EPHX2: variants seen among roughly 807,000 people sequenced by gnomAD.
EPHX2 encodes epoxide hydrolase 2.
Under a neutral mutation model 78.7 loss-of-function variants are expected in EPHX2, and 74 were observed. That is an observed-to-expected ratio of 0.94 (90% confidence interval 0.78 to 1.14). EPHX2 has a LOEUF of 1.14. EPHX2 is among the 50% of genes most tolerant of loss of function. The pLI is 0.00. For missense variants in EPHX2, 715 were observed against 702.5 expected (o/e 1.02, Z -0.20); for synonymous variants, 251 against 255.2 (o/e 0.98, Z 0.16).
At chr8:27,544,100 G>A in intron 17 of EPHX2, 86 bp from the exon 18 acceptor site, 2 of 1,493,282 alleles carry the variant, frequency 1.3e-6, no homozygotes, top group South Asian at 2.3e-5. Context: ...GGAGCAGAGA[G>A]AAGGCGTCCA....
At chr8:27,503,313 C>T (rs1249144416) in intron 2 of EPHX2, among the ~76,000 whole-genome samples, 1 of 152,176 alleles carries the variant, frequency 6.6e-6, no homozygotes, top group African/African-American at 2.4e-5. Flanking sequence ...TGGGCTAAGA[C>T]AGGGCTCTTA....
chr8:27,536,921 T>C, intron 13 of EPHX2, 66 bp downstream of exon 13: 1 of 1,558,812 alleles, frequency 6.4e-7, no homozygotes, highest in Non-Finnish European at 8.8e-7. Context: ...GGGTACCTAG[T>C]GTGTGGCAGG....
At chr8:27,494,246 G>T (rs1190789232) in intron 1 of EPHX2, among the ~76,000 whole-genome samples, 1 of 152,128 alleles carries the variant, frequency 6.6e-6, no homozygotes, top group Non-Finnish European at 1.5e-5. Flanking sequence ...AGGTTGTGTT[G>T]GATGCATAAA....
At chr8:27,519,314 C>T (rs1814565523) in intron 9 of EPHX2, among the ~76,000 whole-genome samples, 1 of 152,226 alleles carries the variant, frequency 6.6e-6, no homozygotes, top group Non-Finnish European at 1.5e-5. Context: ...GTGCAAGCTT[C>T]AGTGGGAATG....
In EPHX2 at chr8:27,541,538, G is replaced by C; in HGVS notation, c.1445G>C (p.Arg482Pro). 1 of 1,614,056 alleles carries C rather than the reference G, an allele frequency of 6.2e-7. No individual in the cohort carries two copies. The highest frequency in any genetic ancestry group is 1.6e-4 in the Middle Eastern group (1 of 6,062). ...NWKWACKSLG[R>P]KILIPALMVT... ...AAGTGGGCTTGCAAAAGCTTGGGAC[G>C]GAAGGTGAGTGCCAGGTTCAGTGTA... Residue 482 changes from arginine (R) to proline (P), a missense_variant, in exon 16 of 19, where the codon CGG (arginine) becomes CCG (proline). By Grantham distance (103) the Arg-to-Pro change is moderately radical (BLOSUM62 -2). Coordinates refer to ENST00000521400, the MANE Select transcript of EPHX2 (RefSeq NM_001979.6).
At chr8:27,541,416 T>C in intron 15 of EPHX2, 57 bp from the exon 16 acceptor site, 1 of 1,567,614 alleles carries the variant, frequency 6.4e-7, no homozygotes, top group Non-Finnish European at 8.8e-7. Flanking sequence ...TGCTGGTGTC[T>C]GTAGCAGAGC....
At chr8:27,522,338 C>A in intron 10 of EPHX2, 85 bp from the exon 11 acceptor site, 3 of 1,347,102 alleles carry the variant, frequency 2.2e-6, no homozygotes, top group South Asian at 1.2e-5. Context: ...ACCCTGGTGT[C>A]GAGGGGCTGG....
At chr8:27,537,832 AT>A in intron 13 of EPHX2, among the ~76,000 whole-genome samples, 1 of 151,912 alleles carries the variant, frequency 6.6e-6, no homozygotes, top group Middle Eastern at 3.4e-3. Flanking sequence ...TGTTTGCTAC[AT>A]TTTTTGCCTC....
At chr8:27,503,236 T>C (rs1200000892) in intron 2 of EPHX2, among the ~76,000 whole-genome samples, 1 of 152,214 alleles carries the variant, frequency 6.6e-6, no homozygotes, top group Non-Finnish European at 1.5e-5. Flanking sequence ...CCTTCAGCAC[T>C]GTAAGAAATA....
chr8:27,527,147 CG>C (rs1814875351), intron 12 of EPHX2, among the ~76,000 whole-genome samples: 1 of 151,994 alleles, frequency 6.6e-6, no homozygotes, highest in South Asian at 2.1e-4. Flanking sequence ...TTAGTAGAGA[CG>C]GGGTTTCACC....
intron 1 of EPHX2, among the ~76,000 whole-genome samples, chr8:27,496,674 T>G (rs1813585317): frequency 6.6e-6 from 1 of 152,228 alleles, no homozygotes; most frequent in African/African-American, 2.4e-5. Context: ...ATTTTCTTAC[T>G]AAGCCTTGAA....
At chr8:27,530,510 A>G (rs529498401) in intron 12 of EPHX2, among the ~76,000 whole-genome samples, 1 of 152,330 alleles carries the variant, frequency 6.6e-6, no homozygotes, top group East Asian at 1.9e-4. Context: ...AATTTTTCAT[A>G]TAAATGGAAT....
At chr8:27,505,731 T>A (rs1813980800) in intron 4 of EPHX2, among the ~76,000 whole-genome samples, 2 of 152,194 alleles carry the variant, frequency 1.3e-5, no homozygotes. Flanking sequence ...GTCCTCACCA[T>A]GCTGCATCCT....
At chr8:27,495,564 T>C (rs1813542004) in intron 1 of EPHX2, among the ~76,000 whole-genome samples, 1 of 152,198 alleles carries the variant, frequency 6.6e-6, no homozygotes, top group South Asian at 2.1e-4. Context: ...GCGCCTGGTA[T>C]CTAAGCAGGC....
intron 12 of EPHX2, among the ~76,000 whole-genome samples, 191 bp downstream of exon 12, chr8:27,525,664 C>T (rs1473668987): frequency 2.0e-5 from 3 of 152,058 alleles, no homozygotes; most frequent in Admixed American, 6.6e-5. Context: ...GGCACATTTC[C>T]GTGTGTGTTC....
intron 11 of EPHX2, 97 bp from the exon 12 acceptor site, chr8:27,525,265 C>A: frequency 9.8e-7 from 1 of 1,023,952 alleles, no homozygotes; most frequent in Non-Finnish European, 1.5e-6. Context: ...AGAATGTTCC[C>A]ACTCTGAGCT....
At chr8:27,499,841 T>TTC (rs74392679) in intron 1 of EPHX2, among the ~76,000 whole-genome samples, 1 of 115,890 alleles carries the variant, frequency 8.6e-6, no homozygotes, top group African/African-American at 4.0e-5. Flanking sequence ...GTTAACAGTG[T>TTC]TCTCCCTGTG....
rs1204508551 is a variant in EPHX2 at position 27,510,171 on chromosome 8, C to T, written c.661-1665C>T. Among the ~76,000 whole-genome samples, 5 of 152,318 alleles carry T rather than the reference C, an allele frequency of 3.3e-5. No homozygotes were observed. The South Asian group carries it at 6.2e-4, about 19-fold the overall frequency. ...TAAAGGAGGTAGATTTCTTAGCTTA[C>T]GTCCCCATTTTAGAGGTCACAAAAC... On this transcript the variant is annotated intron_variant, in intron 5 of 18. Coordinates refer to ENST00000521400, the MANE Select transcript of EPHX2 (RefSeq NM_001979.6).
At position 27,501,869 on chromosome 8, in the gene EPHX2, T is replaced by C. The variant is rs149163451; in HGVS notation, c.186+859T>C. 6.6e-5 allele frequency among the ~76,000 whole-genome samples: 10 copies of C among 152,228 alleles called. No homozygotes were observed. In the East Asian group the frequency reaches 1.9e-3, roughly 29 times the overall value. On this transcript the variant is annotated intron_variant, in intron 2 of 18. Coordinates refer to ENST00000521400, the MANE Select transcript of EPHX2 (RefSeq NM_001979.6). ...GAGGGAAGAAGCCTGGAAAACTAAA[T>C]TATATCATGCTAAGGCTATTTACAC...
Sources: allele counts gnomAD v4.1 joint callset (sites outside exome capture counted in the v4.1 genomes callset), GRCh38; gene constraint gnomAD v4.1.1; transcripts MANE v1.5; gene names NCBI Gene and HGNC (gene_info 2026-07-23, HGNC 2026-07-21).